The following COL6A6 variants were observed in gnomAD, a reference collection of about 807,000 sequenced individuals.
COL6A6 encodes the protein collagen type VI alpha 6 chain.
Under a neutral mutation model 208.6 loss-of-function variants are expected in COL6A6, and 183 were observed. That is an observed-to-expected ratio of 0.88 (90% CI 0.78 to 0.99). The LOEUF is 0.99. COL6A6 is among the 50% of genes least tolerant of loss of function. The probability of loss-of-function intolerance (pLI) is 0.00; values close to 1 mark genes in which losing one functional copy is unlikely to be tolerated. For missense variants in COL6A6, 2,816 were observed against 2,815.2 expected (o/e 1.00, Z -0.01); for synonymous variants, 973 against 1,011.8 (o/e 0.96, Z 0.73).
chr3:130,565,471 C>T lies in COL6A6; in HGVS notation c.1139C>T (p.Ser380Phe). ...GACACCCAGTTGGAAAAGATAGCAT[C>T]CCACCCTGCTGAGCAGTATGTCTCC... ...ASDTQLEKIA[S>F]HPAEQYVSKL... Residue 380 changes from serine (S) to phenylalanine (F), a missense_variant, in exon 4 of 37, where the codon TCC becomes TTC. Ser to Phe is a radical substitution (Grantham distance 155). Transcript: ENST00000358511. The T allele has an allele frequency of 1.2e-6, 2 of 1,613,966 alleles. No individual in the cohort carries two copies. The highest frequency in any genetic ancestry group is 1.1e-5 in the South Asian group (1 of 91,084).
chr3:130,597,829 GAGTGCCCA>G (rs1036498728), intron 18 of COL6A6, among the ~76,000 whole-genome samples: 10 of 152,188 alleles, frequency 6.6e-5, no homozygotes, highest in African/African-American at 2.4e-4. Flanking sequence ...TAGCATATGG[GAGTGCCCA>G]GGTGTCCAGG....
chr3:130,552,740 G>A (rs1172733138), intron 1 of COL6A6, among the ~76,000 whole-genome samples: 1 of 152,180 alleles, frequency 6.6e-6, no homozygotes, highest in African/African-American at 2.4e-5. Flanking sequence ...GGTTGCTGGT[G>A]TCACTGGTTT....
intron 33 of COL6A6, among the ~76,000 whole-genome samples, chr3:130,653,371 C>A (rs1443335833): frequency 1.3e-5 from 2 of 152,128 alleles, no homozygotes; most frequent in East Asian, 3.9e-4. Flanking sequence ...GGAGACTTCT[C>A]ATGGAAAACA....
chr3:130,650,540 G>A (rs2065609796), intron 33 of COL6A6, among the ~76,000 whole-genome samples: 1 of 151,462 alleles, frequency 6.6e-6, no homozygotes, highest in African/African-American at 2.4e-5. Flanking sequence ...AGAATCGCTT[G>A]AACCCAGGCG....
At chr3:130,599,448 C>T (rs1296083816) in intron 19 of COL6A6, among the ~76,000 whole-genome samples, 1 of 151,080 alleles carries the variant, frequency 6.6e-6, no homozygotes, top group African/African-American at 2.5e-5. Flanking sequence ...TTTAGTTATC[C>T]ACACTGTGGC....
rs1167338265 is a variant in COL6A6, at chr3:130,565,574, A to G, written c.1242A>G (p.Thr414=). Residue 414 remains threonine, a synonymous_variant, in exon 4 of 37, where the codon ACA becomes ACG. Coordinates refer to ENST00000358511, the MANE Select transcript of COL6A6 (RefSeq NM_001102608.3). ...AGCTGCGGAACCAAATAACACACACAGTCTCTGTCTTTTCAGAGAGGACTG... is the reference window on the plus strand; with the variant it reads ...AGCTGCGGAACCAAATAACACACACGGTCTCTGTCTTTTCAGAGAGGACTG... ...LKKLRNQITH[T]VSVFSERTET... is the part of the protein sequence containing the mutation. 2 of 1,613,598 alleles carry G rather than the reference A, an allele frequency of 1.2e-6. No individual in the cohort carries two copies. The highest frequency in any genetic ancestry group is 1.7e-6 in the Non-Finnish European group (2 of 1,179,676).
Position 130,594,289 on chromosome 3 carries a change from A to G in COL6A6, c.4479A>G (p.Pro1493=), listed in dbSNP as rs773155002. ...EKGDEGSQGS[P]GKRGTPGDRG... ...ATTTGTATTAACTTTAGGGAAGCCCAGGGAAGAGAGGGACTCCTGGTGACC... is the reference window on the plus strand; with the variant it reads ...ATTTGTATTAACTTTAGGGAAGCCCGGGGAAGAGAGGGACTCCTGGTGACC... The change falls in exon 18 of 37, where the codon CCA becomes CCG. Residue 1493 remains proline (P), a synonymous_variant. Coordinates refer to ENST00000358511, the MANE Select transcript of COL6A6 (RefSeq NM_001102608.3). The G allele has an allele frequency of 2.5e-6, 4 of 1,612,402 alleles. No homozygotes were observed. Among genetic ancestry groups the G allele is most frequent in the South Asian group, 2.2e-5 (2 of 90,954 alleles).
In COL6A6 at chr3:130,628,737, G is replaced by C. The variant is rs373591283; in HGVS notation, c.4992+1368G>C. Among the ~76,000 whole-genome samples, 32 of 122,092 alleles carry C rather than the reference G, an allele frequency of 2.6e-4. 4 individuals carry two copies. The South Asian group carries it at 5.3e-3, about 20-fold the overall frequency. 80.1% of individuals were successfully genotyped at this position (122,092 alleles called of 152,430 possible). On this transcript the variant is annotated intron_variant, in intron 26 of 36. Coordinates refer to ENST00000358511, the MANE Select transcript of COL6A6 (RefSeq NM_001102608.3). ...AAATCCATTTTAAGATCGTGTCGAA[G>C]ATGGCCGAATAGGAACAGCTCCGGT...
intron 35 of COL6A6, among the ~76,000 whole-genome samples, chr3:130,662,895 A>T (rs763786681): frequency 6.6e-6 from 1 of 152,198 alleles, no homozygotes; most frequent in Non-Finnish European, 1.5e-5. Context: ...CATAAAAAAG[A>T]AACATGGGCT....
rs954700388 is a variant in COL6A6 at position 130,649,382 on chromosome 3, G to A, written c.5553G>A (p.Arg1851=). 9 of 1,612,678 alleles carry A rather than the reference G, an allele frequency of 5.6e-6. No homozygotes were observed. In the African/African-American group the frequency reaches 8.0e-5, roughly 14 times the overall value. Residue 1851 remains arginine (R), a synonymous_variant, in exon 33 of 37, where the codon AGG becomes AGA. Transcript: ENST00000358511. ...EIGRAMRFIS[R]NVFKRTLPGA... is the part of the protein sequence containing the mutation. ...GCAGAGCAATGCGGTTTATTTCCAG[G>A]AATGTCTTCAAGCGGACGCTTCCGG...
rs754669112 is a variant in COL6A6, at chr3:130,565,113, A to G, written c.781A>G (p.Ile261Val). The stretch of plus-strand genomic sequence containing the variant: ...GGAAGAAAGTGTATCTGCCCTTGAC[A>G]TAAAGGAAAATTGCATGAGGGTTGG... ...FLEESVSALD[I>V]KENCMRVGLV... is the part of the protein sequence containing the mutation. Residue 261 changes from isoleucine (I) to valine (V), a missense_variant, in exon 4 of 37, where the codon ATA (isoleucine) becomes GTA (valine). By Grantham distance (29) the Ile-to-Val change is conservative (BLOSUM62 3). Coordinates refer to ENST00000358511, the MANE Select transcript of COL6A6 (RefSeq NM_001102608.3). The G allele has an allele frequency of 1.9e-5, 30 of 1,613,928 alleles. No individual in the cohort carries two copies. The highest frequency in any genetic ancestry group is 2.4e-5 in the Non-Finnish European group (28 of 1,179,902).
At chr3:130,642,802 A>G (rs769963690) in intron 29 of COL6A6, 30 bp from the exon 30 acceptor site, 4 of 1,610,716 alleles carry the variant, frequency 2.5e-6, no homozygotes, top group South Asian at 1.1e-5. Flanking sequence ...GTCTAGAGGC[A>G]TTAAAACAAT....
intron 23 of COL6A6, among the ~76,000 whole-genome samples, chr3:130,619,143 C>T (rs1289477752): frequency 2.0e-5 from 3 of 152,088 alleles, no homozygotes; most frequent in Non-Finnish European, 4.4e-5. Context: ...ATTAATAGGA[C>T]GTGCCCGTTA....
intron 35 of COL6A6, among the ~76,000 whole-genome samples, chr3:130,662,548 A>G (rs1454868572): frequency 6.6e-6 from 1 of 152,052 alleles, no homozygotes; most frequent in Non-Finnish European, 1.5e-5. Flanking sequence ...AGAAGCAATC[A>G]TAACAAGCAG....
At chr3:130,548,094 A>G (rs1000032636) in intron 1 of COL6A6, among the ~76,000 whole-genome samples, 1 of 152,236 alleles carries the variant, frequency 6.6e-6, no homozygotes, top group Admixed American at 6.5e-5. Flanking sequence ...TGCCCGGCCA[A>G]TCCTAGTTGT....
intron 1 of COL6A6, among the ~76,000 whole-genome samples, chr3:130,530,638 T>A (rs190851114): frequency 6.6e-5 from 10 of 152,342 alleles, no homozygotes; most frequent in Non-Finnish European, 1.5e-4. Context: ...GAAAGTTAAA[T>A]GGTTGTAATA....
chr3:130,654,193 G>A (rs1323269943), intron 33 of COL6A6, among the ~76,000 whole-genome samples: 2 of 152,134 alleles, frequency 1.3e-5, no homozygotes, highest in Admixed American at 6.5e-5. Context: ...AACTTAAATC[G>A]GAGCCTTCCA....
chr3:130,658,783 C>T lies in COL6A6; in HGVS notation c.5830+11C>T. ...GCACTTTCTGCTATGGTAAGACCCACAGAGAGAAGGTAATTTGGTCAGGCC... is the reference window on the plus strand; with the variant it reads ...GCACTTTCTGCTATGGTAAGACCCATAGAGAGAAGGTAATTTGGTCAGGCC... On this transcript the variant is annotated intron_variant, in intron 34 of 36. Coordinates refer to ENST00000358511, the MANE Select transcript of COL6A6 (RefSeq NM_001102608.3). The T allele has an allele frequency of 6.3e-7, 1 of 1,596,338 alleles. No individual in the cohort carries two copies. The highest frequency in any genetic ancestry group is 2.2e-5 in the East Asian group (1 of 44,720).
At position 130,517,278 on chromosome 3, in the gene COL6A6, AG is replaced by A. The variant is rs1171170010; in HGVS notation, c.-149del. ...TCTCCACCGTCTCCCCGCGCGCCGC[AG>A]GCGGCACCAAACTCTGCGCTCCCCG... On this transcript the variant is annotated 5_prime_UTR_variant, in exon 1 of 37. Transcript: ENST00000358511. Among the ~76,000 whole-genome samples, 1 of 152,180 alleles carries A rather than the reference AG, an allele frequency of 6.6e-6. No homozygotes were observed. The highest frequency in any genetic ancestry group is 1.5e-5 in the Non-Finnish European group (1 of 68,040).
Sources: allele counts gnomAD v4.1 joint callset (sites outside exome capture counted in the v4.1 genomes callset), GRCh38; gene constraint gnomAD v4.1.1; transcripts MANE v1.5; gene names NCBI Gene and HGNC (gene_info 2026-07-23, HGNC 2026-07-21).